AHNAK: variants seen among roughly 807,000 people sequenced by gnomAD.
AHNAK encodes the protein AHNAK nucleoprotein.
AHNAK carries 23 observed loss-of-function variants against 37.8 expected under a neutral mutation model. The ratio of observed to expected loss-of-function variants is 0.61; its 90% confidence interval spans 0.44 to 0.86. The LOEUF (loss-of-function observed/expected upper bound fraction) is 0.86, where lower values mean the gene tolerates loss of function less well. Among genes scored for constraint, AHNAK ranks in the 40% least tolerant of loss-of-function variants. The pLI, the probability that AHNAK is intolerant of heterozygous loss-of-function variation, is 0.00. For missense variants in AHNAK, 7,411 were observed against 7,319.4 expected (o/e 1.01, Z -0.46); for synonymous variants, 2,481 against 2,636.3 (o/e 0.94, Z 1.80).
At chr11:62,505,343 T>G (rs1191154230) in intron 4 of AHNAK, among the ~76,000 whole-genome samples, 1 of 152,116 alleles carries the variant, frequency 6.6e-6, no homozygotes, top group Non-Finnish European at 1.5e-5. Flanking sequence ...GCCTGGCGAT[T>G]GACAGTTCGG....
chr11:62,528,108 G>C lies in AHNAK; in HGVS notation c.6309C>G (p.Pro2103=), dbSNP rs765931372. The change falls in exon 5 of 5, where the codon CCC becomes CCG. Residue 2103 remains proline (P), a synonymous_variant. Transcript: ENST00000378024. ...AGTGCATCTCAGGCATCTTAAGCTT[G>C]GGGCCCTTCAGCTTCCCTTCTGGAC... ...LEGPEGKLKG[P]KLKMPEMHFK... is the part of the protein sequence containing the mutation. 3 of 1,611,962 alleles carry C rather than the reference G, an allele frequency of 1.9e-6. No homozygotes were observed. The highest frequency in any genetic ancestry group is 2.5e-6 in the Non-Finnish European group (3 of 1,179,520).
At chr11:62,448,845 G>A (rs1191056110) in intron 5 of AHNAK, among the ~76,000 whole-genome samples, 3 of 152,114 alleles carry the variant, frequency 2.0e-5, no homozygotes, top group Non-Finnish European at 4.4e-5. Context: ...CGAGGTGGGC[G>A]GATCACAAGG....
chr11:62,434,588 T>C (rs1423962218), intron 5 of AHNAK, among the ~76,000 whole-genome samples: 1 of 152,062 alleles, frequency 6.6e-6, no homozygotes, highest in Non-Finnish European at 1.5e-5. Flanking sequence ...ATCTTACACC[T>C]CCTGCGCTCA....
intron 4 of AHNAK, among the ~76,000 whole-genome samples, chr11:62,508,383 A>G (rs541401198): frequency 2.6e-5 from 4 of 152,174 alleles, no homozygotes; most frequent in Non-Finnish European, 5.9e-5. Context: ...GGTTTGTAAG[A>G]TAGGGTCAGC....
intron 4 of AHNAK, among the ~76,000 whole-genome samples, 178 bp from the exon 5 acceptor site, chr11:62,534,252 A>C (rs1365580393): frequency 6.6e-6 from 1 of 152,226 alleles, no homozygotes. Flanking sequence ...GCTGACAGCC[A>C]CATCACAGGA....
At chr11:62,439,694 G>C (rs1399595518) in intron 5 of AHNAK, among the ~76,000 whole-genome samples, 19 of 125,380 alleles carry the variant, frequency 1.5e-4, no homozygotes, top group African/African-American at 5.6e-4. Context: ...TTGAGATGGA[G>C]TCTCACACTA....
intron 5 of AHNAK, among the ~76,000 whole-genome samples, chr11:62,435,578 A>G (rs1938150343): frequency 6.6e-6 from 1 of 151,952 alleles, no homozygotes; most frequent in Non-Finnish European, 1.5e-5. Flanking sequence ...TCGCCCGGCT[A>G]ATTTTTTTGT....
Position 62,522,318 on chromosome 11 carries a change from A to T in AHNAK, c.12099T>A (p.Pro4033=), listed in dbSNP as rs778261341. 1 of 1,612,994 alleles carries T rather than the reference A, an allele frequency of 6.2e-7. No homozygotes were observed. The highest frequency in any genetic ancestry group is 8.5e-7 in the Non-Finnish European group (1 of 1,179,770). Residue 4033 remains proline, a synonymous_variant, in exon 5 of 5, where the codon CCT becomes CCA. Coordinates refer to ENST00000378024, the MANE Select transcript of AHNAK (RefSeq NM_001620.3). ...CTTTGGGGCCCTTGATGTCAACTTCAGGGGCCTTTAGATCACCTTCCATCT... is the reference window on the plus strand; with the variant it reads ...CTTTGGGGCCCTTGATGTCAACTTCTGGGGCCTTTAGATCACCTTCCATCT... The part of the protein sequence containing the change: ...LPKMEGDLKA[P]EVDIKGPKVD...
rs746995409 is a variant in AHNAK at position 62,531,332 on chromosome 11, T to C, written c.3085A>G (p.Ile1029Val). 5.0e-6 allele frequency: 8 copies of C among 1,613,340 alleles called. No homozygotes were observed. The highest frequency in any genetic ancestry group is 1.3e-5 in the African/African-American group (1 of 74,758). Reference sequence around the variant, plus strand: ...TTAGTATCTACTTTTGGTGCAGAAATGTCCACATTCGCTTTGGACAGGTTC... The same window carrying C: ...TTAGTATCTACTTTTGGTGCAGAAACGTCCACATTCGCTTTGGACAGGTTC... ...DVNLSKANVD[I>V]SAPKVDTNAP... Residue 1029 changes from isoleucine to valine, a missense_variant, in exon 5 of 5, where the codon ATT becomes GTT. Physicochemically the swap from Ile to Val is conservative, Grantham distance 29. Transcript: ENST00000378024.
downstream of AHNAK, among the ~76,000 whole-genome samples, chr11:62,514,371 C>T (rs1332141733): frequency 6.6e-6 from 1 of 152,194 alleles, no homozygotes; most frequent in Non-Finnish European, 1.5e-5. Context: ...GAAAGCAGCA[C>T]CCCGGGGACA....
rs1590669134 is a variant in AHNAK, at chr11:62,527,805, C to T, written c.6612G>A (p.Val2204=). 4 of 1,613,322 alleles carry T rather than the reference C, an allele frequency of 2.5e-6. No individual in the cohort carries two copies. In the East Asian group the frequency reaches 8.9e-5, roughly 36 times the overall value. ...TTTCACCTTCTACCTTGGGAACAGA[C>T]ACATCCATATCCCCTTTGACTTTGG... ...KGPKVKGDMD[V]SVPKVEGEMK... Residue 2204 remains valine, a synonymous_variant, in exon 5 of 5, where the codon GTG becomes GTA. Transcript: ENST00000378024.
In AHNAK at chr11:62,531,672, A is replaced by G; in HGVS notation, c.2745T>C (p.Val915=). ...DVDISGPKVG[V]EVPDVNIEGP... Reference sequence around the variant, plus strand: ...CTTCAATATTCACATCTGGAACTTCAACACCCACCTTGGGTCCTGAGATGT... The same window carrying G: ...CTTCAATATTCACATCTGGAACTTCGACACCCACCTTGGGTCCTGAGATGT... Residue 915 remains valine, a synonymous_variant, in exon 5 of 5, where the codon GTT becomes GTC. Transcript: ENST00000378024. 6.2e-7 allele frequency: 1 copy of G among 1,613,930 alleles called. No homozygotes were observed. The highest frequency in any genetic ancestry group is 8.5e-7 in the Non-Finnish European group (1 of 1,179,994).
chr11:62,498,763 C>T (rs1939660099), intron 4 of AHNAK, among the ~76,000 whole-genome samples: 1 of 151,722 alleles, frequency 6.6e-6, no homozygotes, highest in Admixed American at 6.6e-5. Context: ...AGTGACAGAG[C>T]AAGGCCCTTC....
chr11:62,473,054 C>T (rs1334469211), intron 5 of AHNAK, among the ~76,000 whole-genome samples: 1 of 136,882 alleles, frequency 7.3e-6, no homozygotes, highest in Non-Finnish European at 1.5e-5. Context: ...CACTATACTC[C>T]ACCCTGGGCA....
intron 5 of AHNAK, among the ~76,000 whole-genome samples, chr11:62,490,480 C>T (rs116687363): frequency 0.013 from 2,019 of 152,030 alleles, 47 homozygotes; most frequent in African/African-American, 0.046. Context: ...GGATTACAGG[C>T]GTCAGCCACC....
chr11:62,457,315 G>GC (rs1938677660), intron 5 of AHNAK, among the ~76,000 whole-genome samples: 1 of 152,064 alleles, frequency 6.6e-6, no homozygotes, highest in African/African-American at 2.4e-5. Context: ...AGGCGTGGTG[G>GC]CACACACCTG....
At position 62,524,893 on chromosome 11, in the gene AHNAK, G is replaced by A. The variant is rs927637653; in HGVS notation, c.9524C>T (p.Pro3175Leu). Reference protein sequence around the residue: ...GEGPEVDVNLPKADLDVSGPK... With the variant: ...GEGPEVDVNLLKADLDVSGPK... ...TCCTGAGACGTCAAGGTCAGCCTTGGGCAGGTTCACGTCCACTTCTGGACC... is the reference window on the plus strand; with the variant it reads ...TCCTGAGACGTCAAGGTCAGCCTTGAGCAGGTTCACGTCCACTTCTGGACC... Residue 3175 changes from proline (P) to leucine (L), a missense_variant, in exon 5 of 5, where the codon CCC (proline) becomes CTC (leucine). Physicochemically the swap from Pro to Leu is moderately conservative, Grantham distance 98. Transcript: ENST00000378024. 4 of 1,613,968 alleles carry A rather than the reference G, an allele frequency of 2.5e-6. No homozygotes were observed. The Admixed American group carries it at 6.7e-5, about 27-fold the overall frequency.
At chr11:62,469,704 G>A (rs922701700) in intron 5 of AHNAK, among the ~76,000 whole-genome samples, 9 of 152,034 alleles carry the variant, frequency 5.9e-5, no homozygotes, top group Non-Finnish European at 1.2e-4. Flanking sequence ...CTGGCCTCAC[G>A]TGATCTGCCC....
rs1375708779 is a variant in AHNAK, at chr11:62,526,075, C to T, written c.8342G>A (p.Gly2781Glu). 4 of 1,607,796 alleles carry T rather than the reference C, an allele frequency of 2.5e-6. No individual in the cohort carries two copies. The highest frequency in any genetic ancestry group is 3.4e-6 in the Non-Finnish European group (4 of 1,178,038). ...MPKISMPGFK[G>E]EGPDVDVNLP... ...GTTCACGTCCACATCTGGACCTTCTCCTTTGAAGCCAGGCATGCTGATCTT... is the reference window on the plus strand; with the variant it reads ...GTTCACGTCCACATCTGGACCTTCTTCTTTGAAGCCAGGCATGCTGATCTT... The change falls in exon 5 of 5, where the codon GGA (glycine) becomes GAA (glutamate). Residue 2781 changes from glycine to glutamate, a missense_variant. By Grantham distance (98) the Gly-to-Glu change is moderately conservative. Transcript: ENST00000378024.
Sources: gnomAD v4.1 joint callset for allele counts (sites outside exome capture counted in the v4.1 genomes callset) on GRCh38, gnomAD v4.1.1 for gene constraint, MANE v1.5 for transcripts, NCBI Gene and HGNC (gene_info 2026-07-23, HGNC 2026-07-21) for gene names.